NAALADL2: variants seen among roughly 807,000 people sequenced by gnomAD.
NAALADL2 encodes inactive N-acetylated-alpha-linked acidic dipeptidase-like protein 2.
NAALADL2 carries 76 observed loss-of-function variants against 87.2 expected under a neutral mutation model. That is an observed-to-expected ratio of 0.87 (90% CI 0.72 to 1.05). NAALADL2 has a LOEUF of 1.05. Ranked by LOEUF, NAALADL2 falls within the 50% of genes least tolerant of loss-of-function variation. NAALADL2 has a pLI of 0.00. For missense variants in NAALADL2, 1,089 were observed against 945.8 expected (o/e 1.15, Z -1.99); for synonymous variants, 354 against 331.0 (o/e 1.07, Z -0.75).
intron 11 of NAALADL2, among the ~76,000 whole-genome samples, chr3:175,693,691 T>C (rs1737348572): frequency 1.3e-5 from 2 of 152,066 alleles, no homozygotes; most frequent in African/African-American, 4.8e-5. Context: ...TTTAGTTTTG[T>C]TTGTTGGGTT....
chr3:175,013,119 TATACATATTTATATATAAATATGTA>T (rs1285411575), intron 1 of NAALADL2, among the ~76,000 whole-genome samples: 944 of 22,896 alleles, frequency 0.041, 11 homozygotes, highest in South Asian at 0.079. Context: ...TATATATAAA[TATACATATTTATATATAAATATGTA>T]ATACATATTT....
At chr3:175,631,651 T>G (rs1727784517) in intron 11 of NAALADL2, among the ~76,000 whole-genome samples, 1 of 151,950 alleles carries the variant, frequency 6.6e-6, no homozygotes, top group African/African-American at 2.4e-5. Flanking sequence ...AAGATGTTTT[T>G]CTTATCTCCT....
intron 11 of NAALADL2, among the ~76,000 whole-genome samples, chr3:175,631,255 A>T (rs1260882252): frequency 6.6e-6 from 1 of 151,724 alleles, no homozygotes; most frequent in Non-Finnish European, 1.5e-5. Context: ...ATTTTATTTT[A>T]TCGTTTGTAT....
chr3:174,882,856 T>C (rs1451343911), intron 1 of NAALADL2, among the ~76,000 whole-genome samples: 2 of 138,054 alleles, frequency 1.4e-5, no homozygotes, highest in Non-Finnish European at 3.0e-5. Flanking sequence ...TATGTGTATA[T>C]ATACATATGT....
chr3:175,771,933 A>T (rs866485902), intron 13 of NAALADL2, among the ~76,000 whole-genome samples: 1 of 152,270 alleles, frequency 6.6e-6, no homozygotes, highest in Admixed American at 6.5e-5. Flanking sequence ...TTATAGAACC[A>T]TCAGATCTCC....
At chr3:175,213,877 C>T (rs1303336865) in intron 2 of NAALADL2, among the ~76,000 whole-genome samples, 1 of 152,038 alleles carries the variant, frequency 6.6e-6, no homozygotes, top group Non-Finnish European at 1.5e-5. Context: ...TTAGCATTTC[C>T]CCTTCTCATA....
chr3:174,804,020 C>G (rs747867072), intron 3 of NAALADL2, among the ~76,000 whole-genome samples: 2 of 152,072 alleles, frequency 1.3e-5, no homozygotes, highest in Non-Finnish European at 2.9e-5. Context: ...TCAATGGTAG[C>G]TTCATGGGGA....
In NAALADL2 at chr3:175,233,943, A is replaced by G. The variant is rs1166191095; in HGVS notation, c.558A>G (p.Gln186=). The G allele has an allele frequency of 1.3e-5, 21 of 1,576,578 alleles. No homozygotes were observed. Among genetic ancestry groups the G allele is most frequent in the Non-Finnish European group, 1.8e-5 (21 of 1,152,668 alleles). The change falls in exon 3 of 14, where the codon CAA becomes CAG. Residue 186 remains glutamine (Q), a synonymous_variant. Coordinates refer to ENST00000454872, the MANE Select transcript of NAALADL2 (RefSeq NM_207015.3). The part of the protein sequence containing the change: ...DIKKSFRNLV[Q]LYKNEDDMEI... ...AAATTTATTTCAGAAATTTGGTACA[A>G]CTATATAAAAATGAAGATGACATGG...
intron 3 of NAALADL2, among the ~76,000 whole-genome samples, chr3:175,244,140 A>G (rs1209293936): frequency 6.6e-6 from 1 of 152,168 alleles, no homozygotes; most frequent in Non-Finnish European, 1.5e-5. Context: ...GCAATCAGCT[A>G]GCATGGTTGT....
At chr3:175,188,754 T>C (rs946681555) in intron 2 of NAALADL2, among the ~76,000 whole-genome samples, 3 of 152,116 alleles carry the variant, frequency 2.0e-5, no homozygotes, top group Non-Finnish European at 4.4e-5. Flanking sequence ...CTATTGCACC[T>C]GGATTCACAG....
chr3:175,533,074 CAAAT>C (rs903759630), intron 9 of NAALADL2, among the ~76,000 whole-genome samples: 1 of 152,158 alleles, frequency 6.6e-6, no homozygotes, highest in Non-Finnish European at 1.5e-5. Context: ...ACTAACCAAA[CAAAT>C]AAACTCTTAG....
At chr3:175,739,267 T>C (rs1744933269) in intron 12 of NAALADL2, among the ~76,000 whole-genome samples, 1 of 152,230 alleles carries the variant, frequency 6.6e-6, no homozygotes, top group Admixed American at 6.5e-5. Context: ...AATTCATATA[T>C]ATGATCCTTT....
intron 9 of NAALADL2, among the ~76,000 whole-genome samples, chr3:175,566,053 C>G (rs1717097711): frequency 1.3e-5 from 2 of 151,978 alleles, no homozygotes; most frequent in Non-Finnish European, 2.9e-5. Context: ...TGGTCTTGAA[C>G]CCCTGACCTC....
intron 1 of NAALADL2, among the ~76,000 whole-genome samples, chr3:174,860,775 TA>T (rs535995717): frequency 9.0e-4 from 137 of 152,200 alleles, no homozygotes; most frequent in Middle Eastern, 3.4e-3. Context: ...TCATGGGTAA[TA>T]TTTTTTTAAT....
At chr3:175,517,910 C>T (rs1379954727) in intron 9 of NAALADL2, among the ~76,000 whole-genome samples, 1 of 152,150 alleles carries the variant, frequency 6.6e-6, no homozygotes, top group Non-Finnish European at 1.5e-5. Context: ...GTGATATTTA[C>T]ATAATGCGTG....
intron 2 of NAALADL2, among the ~76,000 whole-genome samples, chr3:174,677,661 G>A (rs1017316361): frequency 6.6e-6 from 1 of 152,008 alleles, no homozygotes; most frequent in Non-Finnish European, 1.5e-5. Flanking sequence ...CTTGTTTTAT[G>A]TGTGTTTCTG....
intron 13 of NAALADL2, among the ~76,000 whole-genome samples, chr3:175,801,225 C>G (rs1171168855): frequency 6.6e-6 from 1 of 152,108 alleles, no homozygotes; most frequent in East Asian, 1.9e-4. Context: ...GTTCTCCAGG[C>G]TCTACATTAC....
intron 3 of NAALADL2, among the ~76,000 whole-genome samples, chr3:174,776,195 A>G (rs1560215240): frequency 1.3e-5 from 2 of 152,012 alleles, no homozygotes; most frequent in Non-Finnish European, 2.9e-5. Flanking sequence ...TTTGGCATGC[A>G]ATAAAACAGC....
intron 2 of NAALADL2, among the ~76,000 whole-genome samples, chr3:175,185,734 CT>C (rs893608696): frequency 6.7e-6 from 1 of 149,886 alleles, no homozygotes; most frequent in Non-Finnish European, 1.5e-5. Flanking sequence ...ATTGTATAAG[CT>C]TTTTTATATA....
Sources: allele counts gnomAD v4.1 joint callset (sites outside exome capture counted in the v4.1 genomes callset), GRCh38; gene constraint gnomAD v4.1.1; transcripts MANE v1.5; gene names NCBI Gene and HGNC (gene_info 2026-07-23, HGNC 2026-07-21).